Variants in PRKCH observed in about 807,000 individuals in gnomAD.
The protein encoded by PRKCH is protein kinase C eta type.
Under a neutral mutation model 82.5 loss-of-function variants are expected in PRKCH, and 28 were observed. The observed-to-expected ratio is 0.34, with a 90% CI of 0.25 to 0.47. PRKCH has a LOEUF of 0.47. PRKCH is among the 20% of genes least tolerant of loss of function. PRKCH has a pLI of 1.00. For missense variants in PRKCH, 705 were observed against 881.8 expected, an observed-to-expected ratio of 0.80 and a Z score of 2.54; for synonymous variants, 322 against 327.4, an observed-to-expected ratio of 0.98 and a Z score of 0.18.
At chr14:61,406,338 C>T (rs1250016864) in intron 2 of PRKCH, among the ~76,000 whole-genome samples, 2 of 23,802 alleles carry the variant, frequency 8.4e-5, no homozygotes, top group East Asian at 3.5e-3. Flanking sequence ...TAGGGGGGCA[C>T]ATGAGACTCA....
At chr14:61,202,647 C>T (rs1340180517) in intron 1 of PRKCH, among the ~76,000 whole-genome samples, 1 of 152,010 alleles carries the variant, frequency 6.6e-6, no homozygotes, top group East Asian at 1.9e-4. Flanking sequence ...ATGTTTTACC[C>T]ATTTTAATCA....
At chr14:61,498,248 A>G (rs751428033) in intron 10 of PRKCH, among the ~76,000 whole-genome samples, 9 of 152,112 alleles carry the variant, frequency 5.9e-5, no homozygotes, top group Non-Finnish European at 7.3e-5. Flanking sequence ...TCCTGACCTC[A>G]AGTGATCCCC....
chr14:61,506,039 A>G (rs189195164), intron 10 of PRKCH, among the ~76,000 whole-genome samples: 54 of 152,200 alleles, frequency 3.5e-4, no homozygotes, highest in African/African-American at 1.1e-3. Flanking sequence ...AGAGTCCCCA[A>G]GGTATACTTT....
At chr14:61,454,862 G>C (rs1884685503) in intron 7 of PRKCH, among the ~76,000 whole-genome samples, 1 of 152,128 alleles carries the variant, frequency 6.6e-6, no homozygotes, top group Non-Finnish European at 1.5e-5. Flanking sequence ...GTGTAGCTTG[G>C]TGTCCAGTTC....
At chr14:61,414,216 A>C (rs1566868351) in intron 2 of PRKCH, among the ~76,000 whole-genome samples, 2 of 151,292 alleles carry the variant, frequency 1.3e-5, no homozygotes, top group African/African-American at 2.4e-5. Context: ...CTCTCCCCTG[A>C]GTTCCAGCTT....
chr14:61,220,487 C>A (rs1161888478), intron 1 of PRKCH, among the ~76,000 whole-genome samples: 4 of 152,186 alleles, frequency 2.6e-5, no homozygotes, highest in African/African-American at 9.7e-5. Context: ...AGAGGCCTTA[C>A]AATCGGTGAC....
At position 61,391,277 on chromosome 14, in the gene PRKCH, G is replaced by A. The variant is rs1348730093; in HGVS notation, c.416G>A (p.Ser139Asn). ...TTTGTGGTAATAACCCTTACCGGGA[G>A]TTTCACTGAAGGTAAGAATGAGTTT... ...KVFVVITLTG[S>N]FTEATLQRDR... Residue 139 changes from serine (S) to asparagine (N), a missense_variant, in exon 2 of 14, where the codon AGT becomes AAT. Physicochemically the swap from Ser to Asn is conservative, Grantham distance 46 (BLOSUM62 1). Coordinates refer to ENST00000332981, the MANE Select transcript of PRKCH (RefSeq NM_006255.5). 8 of 1,610,054 alleles carry A rather than the reference G, an allele frequency of 5.0e-6. No individual in the cohort carries two copies. The highest frequency in any genetic ancestry group is 1.7e-5 in the Admixed American group (1 of 59,468).
intron 1 of PRKCH, among the ~76,000 whole-genome samples, chr14:61,340,538 G>A (rs929672339): frequency 2.6e-5 from 4 of 152,118 alleles, no homozygotes. Context: ...CCCAACTATT[G>A]CTTCTGGAAC....
Position 61,230,281 on chromosome 14 carries a change from A to G in PRKCH, c.-19+42613A>G, listed in dbSNP as rs548554297. ...GGACCCGGGGGTAGATTCAGTTCTC[A>G]TCTTTAGACTCTGTTATTTCAGTTT... is the stretch of plus-strand genomic sequence containing the variant. On this transcript the variant is annotated intron_variant, in intron 1 of 3. Coordinates refer to the PRKCH transcript ENST00000555185. Among the ~76,000 whole-genome samples, 9 of 152,122 alleles carry G rather than the reference A, an allele frequency of 5.9e-5. 1 individual carries two copies. The highest frequency in any genetic ancestry group is 6.8e-3 in the Middle Eastern group (2 of 292).
At chr14:61,231,260 ACACACAGGG>A (rs2140059393) in intron 1 of PRKCH, among the ~76,000 whole-genome samples, 1 of 152,340 alleles carries the variant, frequency 6.6e-6, no homozygotes, top group Non-Finnish European at 1.5e-5. Flanking sequence ...ACAATTCAAT[ACACACAGGG>A]TTATTGCAAG....
chr14:61,204,763 G>GAA (rs67978354), intron 1 of PRKCH, among the ~76,000 whole-genome samples: 3,229 of 106,160 alleles, frequency 0.03, 123 homozygotes, highest in African/African-American at 0.097. Context: ...CCTTTCTCAA[G>GAA]AAAAAAAAAA....
At chr14:61,441,314 C>T (rs1183351484) in intron 2 of PRKCH, among the ~76,000 whole-genome samples, 1 of 152,164 alleles carries the variant, frequency 6.6e-6, no homozygotes, top group East Asian at 1.9e-4. Context: ...CACCTGATTT[C>T]TAGATGGGAA....
chr14:61,309,186 G>A (rs1441759562), intron 1 of PRKCH, among the ~76,000 whole-genome samples: 2 of 152,160 alleles, frequency 1.3e-5, no homozygotes, highest in Admixed American at 6.5e-5. Context: ...AGGAAGTGAG[G>A]TGGGAGGATC....
intron 1 of PRKCH, among the ~76,000 whole-genome samples, chr14:61,388,224 A>T (rs1280490252): frequency 6.6e-6 from 1 of 152,148 alleles, no homozygotes; most frequent in Non-Finnish European, 1.5e-5. Context: ...CTCTCTAAAA[A>T]GTTTCAACCT....
chr14:61,263,601 A>G (rs1245925185), intron 1 of PRKCH, among the ~76,000 whole-genome samples: 1 of 152,206 alleles, frequency 6.6e-6, no homozygotes, highest in African/African-American at 2.4e-5. Context: ...CCAATTATCT[A>G]TAGCCATATC....
intron 1 of PRKCH, chr14:61,304,198 AACACACACAC>A (rs72130615): frequency 2.6e-5 from 4 of 151,060 alleles, no homozygotes; most frequent in Non-Finnish European, 5.9e-5. Context: ...GCTTAAAATA[AACACACACAC>A]ACACACACAA....
At chr14:61,442,944 A>G (rs1658352658) in intron 2 of PRKCH, among the ~76,000 whole-genome samples, 167 bp from the exon 3 acceptor site, 1 of 152,068 alleles carries the variant, frequency 6.6e-6, no homozygotes, top group Non-Finnish European at 1.5e-5. Flanking sequence ...TCTCAAAGTA[A>G]AGAGTCCTGT....
intron 2 of PRKCH, among the ~76,000 whole-genome samples, chr14:61,432,051 G>A (rs116733810): frequency 2.4e-3 from 314 of 133,562 alleles, no homozygotes; most frequent in African/African-American, 8.2e-3. Flanking sequence ...TGGTTTGGAA[G>A]ATAGAATCTC....
At chr14:61,521,173 C>A (rs1487006866) in intron 10 of PRKCH, among the ~76,000 whole-genome samples, 1 of 152,168 alleles carries the variant, frequency 6.6e-6, no homozygotes, top group Non-Finnish European at 1.5e-5. Flanking sequence ...AACCCATCAT[C>A]ATTTTCTCTA....
Sources: allele counts gnomAD v4.1 joint callset (sites outside exome capture counted in the v4.1 genomes callset), GRCh38; gene constraint gnomAD v4.1.1; transcripts MANE v1.5; gene names NCBI Gene and HGNC (gene_info 2026-07-23, HGNC 2026-07-21).